ADGRA1: variants seen among roughly 807,000 people sequenced by gnomAD.
ADGRA1 encodes adhesion G protein-coupled receptor A1, also known as G-protein coupled receptor 123.
A neutral mutation model predicts 21.3 loss-of-function variants in ADGRA1; 12 were observed. That is an observed-to-expected ratio of 0.56 (90% CI 0.36 to 0.91). The LOEUF (loss-of-function observed/expected upper bound fraction) is 0.91, where lower values mean the gene tolerates loss of function less well. Among genes scored for constraint, ADGRA1 ranks in the 40% least tolerant of loss-of-function variants. The pLI is 0.01. For synonymous variants in ADGRA1, 385 were observed against 368.8 expected (o/e 1.04, Z -0.50); for missense variants, 790 against 805.6 (o/e 0.98, Z 0.23).
chr10:133,089,019 C>G, intron 2 of ADGRA1, 107 bp downstream of exon 2: 5 of 1,234,520 alleles, frequency 4.1e-6, no homozygotes, highest in Non-Finnish European at 5.1e-6. Context: ...GAATGGCGAG[C>G]TGGTGACCGG....
rs1272250813 is a variant in ADGRA1 at position 133,088,179 on chromosome 10, C to T, written c.-203+41C>T. Reference sequence around the variant, plus strand: ...GGGTCTGGGCGGCGGGAGGGACGCGCGGGGCCGCGGCTCGGCAGAAAAGCT... The same window carrying T: ...GGGTCTGGGCGGCGGGAGGGACGCGTGGGGCCGCGGCTCGGCAGAAAAGCT... On this transcript the variant is annotated intron_variant, in intron 1 of 6. Transcript: ENST00000392607. 1.4e-5 allele frequency: 13 copies of T among 896,610 alleles called. No homozygotes were observed. The East Asian group carries it at 1.4e-3, about 99-fold the overall frequency. 55.5% of individuals were successfully genotyped at this position (896,610 alleles called of 1,614,324 possible).
At chr10:133,122,447 G>A (rs1490482784) in intron 5 of ADGRA1, among the ~76,000 whole-genome samples, 1 of 152,244 alleles carries the variant, frequency 6.6e-6, no homozygotes. Context: ...ACGGGGCCGA[G>A]GGGCTAATGG....
chr10:133,128,632 C>T lies in ADGRA1; in HGVS notation c.804C>T (p.Ala268=), dbSNP rs1757742653. Residue 268 remains alanine (A), a synonymous_variant, in exon 7 of 7, where the codon GCC becomes GCT. Transcript: ENST00000392607. ...CCTTCACGCTGTTCCTGTTCACGGC[C>T]ACGTGGGCCTTCGGGGCGCTGGCGG... ...AAAFTLFLFT[A]TWAFGALAVS... is the part of the protein sequence containing the mutation. The T allele has an allele frequency of 6.2e-7, 1 of 1,607,138 alleles. No individual in the cohort carries two copies. The highest frequency in any genetic ancestry group is 1.3e-5 in the African/African-American group (1 of 74,868).
intron 4 of ADGRA1, among the ~76,000 whole-genome samples, chr10:133,100,566 G>C (rs1272047929): frequency 6.6e-6 from 1 of 152,252 alleles, no homozygotes; most frequent in Admixed American, 6.5e-5. Context: ...GCAGCAGGCA[G>C]GTCTGGAAGG....
intron 5 of ADGRA1, among the ~76,000 whole-genome samples, chr10:133,107,682 C>T (rs1010366422): frequency 6.6e-6 from 1 of 152,132 alleles, no homozygotes; most frequent in Non-Finnish European, 1.5e-5. Context: ...TGAGCTGTCT[C>T]GTGGGTTTTT....
At position 133,102,901 on chromosome 10, in the gene ADGRA1, CT is replaced by C. The variant is rs1178520077; in HGVS notation, c.401+61del. The C allele has an allele frequency of 8.4e-6, 13 of 1,545,028 alleles. No individual in the cohort carries two copies. In the East Asian group the frequency reaches 2.8e-4, roughly 33 times the overall value. On this transcript the variant is annotated intron_variant, in intron 5 of 6. Transcript: ENST00000392607. Reference sequence around the variant, plus strand: ...CCTGGGCCCTGGACGCTGCATGCACCTTCTGGGTCTTGGCAAACCTTCTCAC... The same window carrying C: ...CCTGGGCCCTGGACGCTGCATGCACCTCTGGGTCTTGGCAAACCTTCTCAC...
intron 4 of ADGRA1, 76 bp downstream of exon 4, chr10:133,098,839 T>G (rs1399210484): frequency 2.0e-6 from 3 of 1,523,596 alleles, no homozygotes; most frequent in East Asian, 4.6e-5. Flanking sequence ...CTAAATAATA[T>G]TCCAGCGTTT....
intron 5 of ADGRA1, among the ~76,000 whole-genome samples, chr10:133,108,485 CAG>C (rs1851931051): frequency 6.6e-6 from 1 of 152,082 alleles, no homozygotes; most frequent in African/African-American, 2.4e-5. Context: ...AGGGAGGAGA[CAG>C]AGGTGTTGGA....
At chr10:133,100,342 C>T (rs1425081052) in intron 4 of ADGRA1, among the ~76,000 whole-genome samples, 1 of 152,270 alleles carries the variant, frequency 6.6e-6, no homozygotes, top group Non-Finnish European at 1.5e-5. Flanking sequence ...CTGTAAGTGC[C>T]TGCGAGAGGC....
chr10:133,129,101 T>C lies in ADGRA1; in HGVS notation c.1273T>C (p.Tyr425His). The C allele has an allele frequency of 6.4e-7, 1 of 1,550,666 alleles. No homozygotes were observed. The highest frequency in any genetic ancestry group is 1.2e-5 in the South Asian group (1 of 84,476). The change falls in exon 7 of 7, where the codon TAC (tyrosine) becomes CAC (histidine). Residue 425 changes from tyrosine to histidine, a missense_variant. Tyr to His is a moderately conservative substitution (Grantham distance 83). Transcript: ENST00000392607. Reference protein sequence around the residue: ...GCLQGRTKPPYFSRHPAEEPE... With the variant: ...GCLQGRTKPPHFSRHPAEEPE... ...CCTTCAGGGCAGAACTAAGCCGCCC[T>C]ACTTTAGCCGGCACCCAGCAGAGGA...
intron 5 of ADGRA1, among the ~76,000 whole-genome samples, chr10:133,120,845 C>A (rs1852240666): frequency 6.6e-6 from 1 of 152,224 alleles, no homozygotes; most frequent in African/African-American, 2.4e-5. Context: ...AGAGGCTGAG[C>A]TTTTGGCCTA....
At chr10:133,102,872 G>A (rs375523886) in intron 5 of ADGRA1, 30 bp downstream of exon 5, 182 of 1,588,622 alleles carry the variant, frequency 1.1e-4, no homozygotes, top group Non-Finnish European at 1.5e-4. Context: ...GCGAGGCCCC[G>A]CCACCTGGGC....
At position 133,129,235 on chromosome 10, in the gene ADGRA1, G is replaced by A; in HGVS notation, c.1407G>A (p.Leu469=). ...ATGGCCCGGCGGGGACACACACGCT[G>A]GCCTGCTGCACCCAGGGCGACCCCT... is the stretch of plus-strand genomic sequence containing the variant. ...SLDGPAGTHT[L]ACCTQGDPFP... is the part of the protein sequence containing the mutation. Residue 469 remains leucine, a synonymous_variant, in exon 7 of 7, where the codon CTG becomes CTA. Transcript: ENST00000392607. 1 of 1,549,702 alleles carries A rather than the reference G, an allele frequency of 6.5e-7. No homozygotes were observed. Among genetic ancestry groups the A allele is most frequent in the Non-Finnish European group, 8.7e-7 (1 of 1,146,910 alleles).
chr10:133,127,120 C>T (rs894761265), intron 5 of ADGRA1, 113 bp from the exon 6 acceptor site: 18 of 620,818 alleles, frequency 2.9e-5, no homozygotes, highest in Non-Finnish European at 4.2e-5. Context: ...TCTCCTCCTG[C>T]TCCGCCCGCA....
chr10:133,098,837 T>C (rs1851736792), intron 4 of ADGRA1, 74 bp downstream of exon 4: 3 of 1,528,856 alleles, frequency 2.0e-6, no homozygotes, highest in South Asian at 2.4e-5. Context: ...TACTAAATAA[T>C]ATTCCAGCGT....
At chr10:133,089,407 G>C (rs1320703865) in intron 2 of ADGRA1, among the ~76,000 whole-genome samples, 1 of 152,238 alleles carries the variant, frequency 6.6e-6, no homozygotes, top group Non-Finnish European at 1.5e-5. Context: ...CGCGCACACG[G>C]CAGGCACGGG....
intron 5 of ADGRA1, among the ~76,000 whole-genome samples, chr10:133,115,736 G>C (rs1852145262): frequency 1.3e-5 from 2 of 152,054 alleles, no homozygotes; most frequent in Non-Finnish European, 2.9e-5. Context: ...TGGGACCCTT[G>C]ACACACCGGC....
In ADGRA1 at chr10:133,128,909, C is replaced by G; in HGVS notation, c.1081C>G (p.Pro361Ala). Residue 361 changes from proline to alanine, a missense_variant, in exon 7 of 7, where the codon CCC (proline) becomes GCC (alanine). Coordinates refer to ENST00000392607, the MANE Select transcript of ADGRA1 (RefSeq NM_001083909.3). ...ACGGGGCTTCGCGCACCCACCGGGCCCCTGCAAGATGACCAACCTGCAGGC... is the reference window on the plus strand; with the variant it reads ...ACGGGGCTTCGCGCACCCACCGGGCGCCTGCAAGATGACCAACCTGCAGGC... ...QPRGFAHPPG[P>A]CKMTNLQAAQ... is the part of the protein sequence containing the mutation. The G allele has an allele frequency of 1.3e-6, 2 of 1,557,826 alleles. No individual in the cohort carries two copies. The highest frequency in any genetic ancestry group is 1.3e-5 in the African/African-American group (1 of 74,082).
intron 5 of ADGRA1, among the ~76,000 whole-genome samples, chr10:133,104,411 G>A (rs990286299): frequency 6.6e-6 from 1 of 152,186 alleles, no homozygotes; most frequent in African/African-American, 2.4e-5. Flanking sequence ...GGCAGCCGTG[G>A]AACACCCCGG....
Sources: allele counts gnomAD v4.1 joint callset (sites outside exome capture counted in the v4.1 genomes callset), GRCh38; gene constraint gnomAD v4.1.1; transcripts MANE v1.5; gene names NCBI Gene and HGNC (gene_info 2026-07-23, HGNC 2026-07-21).